The following CFAP52 variants were observed in gnomAD, a reference collection of about 807,000 sequenced individuals.
The protein encoded by CFAP52 is cilia and flagella associated protein 52, also known as cilia- and flagella-associated protein 52.
CFAP52 carries 57 observed loss-of-function variants against 70.5 expected under a neutral mutation model. The observed-to-expected ratio is 0.81, with a 90% CI of 0.65 to 1.01. The LOEUF (loss-of-function observed/expected upper bound fraction) is 1.01. Among genes scored for constraint, CFAP52 ranks in the 50% least tolerant of loss-of-function variants. The pLI, the probability that CFAP52 is intolerant of heterozygous loss-of-function variation, is 0.00. For missense variants in CFAP52, 785 were observed against 788.5 expected (o/e 1.00, Z 0.05); for synonymous variants, 267 against 292.5 (o/e 0.91, Z 0.89).
At chr17:9,644,254 C>T (rs1169106376), downstream of CFAP52, among the ~76,000 whole-genome samples, 1 of 152,084 alleles carries the variant, frequency 6.6e-6, no homozygotes, top group South Asian at 2.1e-4. Flanking sequence ...TACAGGCATG[C>T]GCCACCACGC....
chr17:9,626,325 G>A (rs575681387), intron 8 of CFAP52, among the ~76,000 whole-genome samples: 2 of 152,184 alleles, frequency 1.3e-5, no homozygotes, highest in Non-Finnish European at 2.9e-5. Context: ...CGCCTCCTGG[G>A]TTCAAGTGAT....
At chr17:9,593,990 CAA>C (rs1908881031) in intron 3 of CFAP52, among the ~76,000 whole-genome samples, 1 of 152,020 alleles carries the variant, frequency 6.6e-6, no homozygotes. Context: ...ACAACAACAA[CAA>C]AAAACTTTTA....
chr17:9,602,571 G>C (rs571134781), intron 6 of CFAP52, among the ~76,000 whole-genome samples: 2 of 152,224 alleles, frequency 1.3e-5, no homozygotes, highest in Non-Finnish European at 1.5e-5. Flanking sequence ...ATTGTGAATA[G>C]TGCCACAATA....
chr17:9,598,554 G>A, intron 5 of CFAP52: 2 of 346,872 alleles, frequency 5.8e-6, no homozygotes, highest in Non-Finnish European at 1.1e-5. Context: ...TTGAGGTCAT[G>A]AGTTCGAGAC....
chr17:9,598,011 C>T (rs534600177), intron 4 of CFAP52, among the ~76,000 whole-genome samples: 11 of 152,186 alleles, frequency 7.2e-5, no homozygotes, highest in South Asian at 6.2e-4. Context: ...TGAATCCCTG[C>T]TCTGCTGTGT....
At chr17:9,597,831 A>AGAGAGAGAG (rs57688684) in intron 4 of CFAP52, among the ~76,000 whole-genome samples, 25 of 131,776 alleles carry the variant, frequency 1.9e-4, no homozygotes, top group South Asian at 1.5e-3. Flanking sequence ...GAGAGAGAGA[A>AGAGAGAGAG]AGAGAGAAAG....
At chr17:9,615,795 CTTTTTTTTTTTTT>C (rs1190663709) in intron 8 of CFAP52, among the ~76,000 whole-genome samples, 3 of 67,398 alleles carry the variant, frequency 4.5e-5, no homozygotes, top group Non-Finnish European at 5.7e-5. Context: ...AAAAAAAATT[CTTTTTTTTTTTTT>C]TTTTTTTTTT....
intron 9 of CFAP52, among the ~76,000 whole-genome samples, chr17:9,629,914 T>C (rs558276648): frequency 2.6e-5 from 4 of 151,994 alleles, no homozygotes; most frequent in African/African-American, 9.6e-5. Context: ...CTTGGCCCTG[T>C]CTTCTCCTCC....
At chr17:9,585,680 C>T (rs915357765) in intron 1 of CFAP52, 93 bp from the exon 2 acceptor site, 5 of 1,279,286 alleles carry the variant, frequency 3.9e-6, no homozygotes, top group Non-Finnish European at 5.6e-6. Context: ...CACACACACA[C>T]ACACACACAA....
chr17:9,638,774 G>T lies in CFAP52; in HGVS notation c.1575+63G>T. 2.0e-6 allele frequency: 3 copies of T among 1,536,116 alleles called. No individual in the cohort carries two copies. The South Asian group carries it at 3.4e-5, about 17-fold the overall frequency. ...CAAGAGAAAAGCAGTGAGGCGTTGT[G>T]GTGGAGGGTGCGGGCTCTGGAGTCA... On this transcript the variant is annotated intron_variant, in intron 12 of 13. Transcript: ENST00000352665.
chr17:9,603,511 A>C (rs574922743), intron 6 of CFAP52, among the ~76,000 whole-genome samples: 30 of 152,240 alleles, frequency 2.0e-4, no homozygotes, highest in African/African-American at 7.0e-4. Context: ...ACCCGGCCCT[A>C]AGTAGATATT....
intron 6 of CFAP52, among the ~76,000 whole-genome samples, chr17:9,606,814 G>T (rs1319864397): frequency 1.3e-5 from 2 of 152,176 alleles, no homozygotes; most frequent in Non-Finnish European, 2.9e-5. Context: ...CTGTTGTCCT[G>T]CTGAGGCACT....
chr17:9,645,392 G>C (rs1361081450), downstream of CFAP52: 2 of 270,454 alleles, frequency 7.4e-6, no homozygotes, highest in Non-Finnish European at 1.4e-5. This position sits in a 1 kb window ranked among gnomAD's most constrained non-coding sequence, Gnocchi z 6.8. Context: ...TCAGCGCAGC[G>C]GGGGCGGCAC....
At chr17:9,632,015 C>A (rs545576719) in intron 9 of CFAP52, among the ~76,000 whole-genome samples, 1 of 151,766 alleles carries the variant, frequency 6.6e-6, no homozygotes. Context: ...TCAAGTGATC[C>A]GCCTGCCTTG....
In CFAP52 at chr17:9,631,056, A is replaced by G. The variant is rs60945802; in HGVS notation, c.1175-1832A>G. Reference sequence around the variant, plus strand: ...AGAGAGAGAGAGAGAGAGAGAGAGAAAGAAAGAAAGAAAGAAAGAAAGAAA... The same window carrying G: ...AGAGAGAGAGAGAGAGAGAGAGAGAGAGAAAGAAAGAAAGAAAGAAAGAAA... On this transcript the variant is annotated intron_variant, in intron 9 of 13. Coordinates refer to ENST00000352665, the MANE Select transcript of CFAP52 (RefSeq NM_145054.5). Among the ~76,000 whole-genome samples, 429 of 70,108 alleles carry G rather than the reference A, an allele frequency of 6.1e-3. 26 individuals carry two copies. Among genetic ancestry groups the G allele is most frequent in the East Asian group, 0.037 (75 of 2,000 alleles). The allele number at this position is 70,108 out of a possible 152,430, so 46.0% of individuals were successfully genotyped here.
chr17:9,642,878 A>G, intron 13 of CFAP52, 145 bp from the exon 14 acceptor site: 1 of 730,186 alleles, frequency 1.4e-6, no homozygotes. Context: ...TTACTGCAAC[A>G]GATAGATTTT....
intron 9 of CFAP52, among the ~76,000 whole-genome samples, chr17:9,631,016 A>AGAGAGAGAG (rs1567634774): frequency 1.8e-4 from 9 of 51,158 alleles, no homozygotes; most frequent in African/African-American, 1.1e-3. Context: ...GAAAGAAAGA[A>AGAGAGAGAG]AGAAAGAAAG....
chr17:9,595,384 A>G (rs1254060635), intron 4 of CFAP52, among the ~76,000 whole-genome samples: 2 of 152,102 alleles, frequency 1.3e-5, no homozygotes, highest in Non-Finnish European at 2.9e-5. Flanking sequence ...CATTTGCTCC[A>G]TGGCTAATTA....
At chr17:9,589,800 A>G (rs1206123130) in intron 3 of CFAP52, 1 of 5,518 alleles carries the variant, frequency 1.8e-4, no homozygotes, top group Admixed American at 3.0e-3. Flanking sequence ...TCTTAGCTCA[A>G]CTTTTTTTTT....
Sources: gnomAD v4.1 joint callset for allele counts (sites outside exome capture counted in the v4.1 genomes callset) on GRCh38, gnomAD v4.1.1 for gene constraint, Gnocchi (gnomAD v3.1) non-coding constraint, MANE v1.5 for transcripts, NCBI Gene and HGNC (gene_info 2026-07-23, HGNC 2026-07-21) for gene names.